Variants in GALNT13 observed in about 807,000 individuals in gnomAD.
GALNT13 encodes the protein UDP-GalNAc:polypeptide N-acetylgalactosaminyltransferase 13.
A neutral mutation model predicts 64.2 loss-of-function variants in GALNT13; 28 were observed. The observed-to-expected ratio is 0.44, with a 90% CI of 0.32 to 0.60. The LOEUF (loss-of-function observed/expected upper bound fraction) is 0.60, where lower values mean the gene tolerates loss of function less well. GALNT13 is among the 20% of genes least tolerant of loss of function. The probability of loss-of-function intolerance (pLI) is 0.05; values close to 1 mark genes in which losing one functional copy is unlikely to be tolerated. For synonymous variants in GALNT13, 214 were observed against 224.6 expected, an observed-to-expected ratio of 0.95 and a Z score of 0.42; for missense variants, 577 against 669.8, an observed-to-expected ratio of 0.86 and a Z score of 1.53.
chr2:154,063,936 A>T (rs1279629373), intron 3 of GALNT13, among the ~76,000 whole-genome samples: 1 of 152,184 alleles, frequency 6.6e-6, no homozygotes, highest in African/African-American at 2.4e-5. Context: ...GTAAGCCATG[A>T]TAGTACCTGA....
the GALNT13 span, among the ~76,000 whole-genome samples, chr2:153,748,232 T>C: frequency 6.6e-6 from 1 of 152,170 alleles, no homozygotes; most frequent in Non-Finnish European, 1.5e-5. Flanking sequence ...TTTAGTTCTT[T>C]AGAACTTGTG....
intron 9 of GALNT13, among the ~76,000 whole-genome samples, chr2:154,377,113 T>C (rs1027110547): frequency 6.6e-6 from 1 of 152,172 alleles, no homozygotes; most frequent in Non-Finnish European, 1.5e-5. Context: ...AGTGAAATGA[T>C]GTGCTGAGAA....
At chr2:153,929,881 GTCAAATGGTAGTTCGGT>G (rs1398592723) in intron 2 of GALNT13, among the ~76,000 whole-genome samples, 57 of 152,098 alleles carry the variant, frequency 3.7e-4, no homozygotes, top group African/African-American at 1.3e-3. Flanking sequence ...AAATGGCTAT[GTCAAATGGTAGTTCGGT>G]TTTAAGCTCC....
chr2:153,934,538 A>G (rs1359207221), intron 2 of GALNT13, among the ~76,000 whole-genome samples: 1 of 152,190 alleles, frequency 6.6e-6, no homozygotes, highest in Non-Finnish European at 1.5e-5. Context: ...CAGGAAGTAC[A>G]TGAACCATCA....
the GALNT13 span, among the ~76,000 whole-genome samples, chr2:153,520,391 A>G: frequency 1.3e-5 from 2 of 152,266 alleles, no homozygotes; most frequent in African/African-American, 4.8e-5. Context: ...TTTTCTGGTG[A>G]CCAAAGAACA....
chr2:154,304,926 A>G (rs1693647992), intron 9 of GALNT13, among the ~76,000 whole-genome samples: 1 of 152,188 alleles, frequency 6.6e-6, no homozygotes, highest in Admixed American at 6.5e-5. Context: ...CAGCTAAGCA[A>G]TGTAGAATCC....
chr2:154,356,559 C>G (rs535842434), intron 9 of GALNT13, among the ~76,000 whole-genome samples: 1 of 152,058 alleles, frequency 6.6e-6, no homozygotes, highest in Non-Finnish European at 1.5e-5. Context: ...ATCATTTACA[C>G]TAAATTATTC....
At chr2:153,297,869 A>G in the GALNT13 span, among the ~76,000 whole-genome samples, 1 of 152,198 alleles carries the variant, frequency 6.6e-6, no homozygotes, top group Non-Finnish European at 1.5e-5. Flanking sequence ...GCTGACTGAA[A>G]AGAGGTTTGA....
chr2:154,078,803 G>A (rs1388222087), intron 3 of GALNT13, among the ~76,000 whole-genome samples: 3 of 151,452 alleles, frequency 2.0e-5, no homozygotes, highest in African/African-American at 7.3e-5. Flanking sequence ...AAGTTGATAG[G>A]CAGCTTCTAG....
upstream of GALNT13, among the ~76,000 whole-genome samples, chr2:153,870,805 A>G (rs1685874221): frequency 6.6e-6 from 1 of 151,272 alleles, no homozygotes; most frequent in Non-Finnish European, 1.5e-5. Context: ...TGTAGTCGTT[A>G]TATCCTCCCC....
At chr2:153,458,338 A>G in the GALNT13 span, among the ~76,000 whole-genome samples, 1 of 152,150 alleles carries the variant, frequency 6.6e-6, no homozygotes, top group African/African-American at 2.4e-5. Flanking sequence ...GACTTCTCAT[A>G]CCACAAAACC....
chr2:153,491,768 C>T, the GALNT13 span, among the ~76,000 whole-genome samples: 1 of 151,882 alleles, frequency 6.6e-6, no homozygotes, highest in Non-Finnish European at 1.5e-5. Flanking sequence ...TTACAGGTGC[C>T]AGCCACCGTG....
At position 153,981,383 on chromosome 2, in the gene GALNT13, C is replaced by G. The variant is rs144501538; in HGVS notation, c.142+36744C>G. 2.6e-3 allele frequency among the ~76,000 whole-genome samples: 388 copies of G among 152,128 alleles called. 2 individuals are homozygous for G. The highest frequency in any genetic ancestry group is 8.8e-3 in the African/African-American group (366 of 41,498). On this transcript the variant is annotated intron_variant, in intron 3 of 12. Coordinates refer to ENST00000392825, the MANE Select transcript of GALNT13 (RefSeq NM_052917.4). ...CCTCCCCACTCTGCCCACCCCATAACAGGCCCTGGTGTGTGATGTTCCCCT... is the reference window on the plus strand; with the variant it reads ...CCTCCCCACTCTGCCCACCCCATAAGAGGCCCTGGTGTGTGATGTTCCCCT...
chr2:154,379,097 TGCTA>T (rs1181230511), intron 9 of GALNT13, among the ~76,000 whole-genome samples: 1 of 152,116 alleles, frequency 6.6e-6, no homozygotes, highest in African/African-American at 2.4e-5. Context: ...TAATAAATGA[TGCTA>T]GCCCTTTTAA....
the GALNT13 span, among the ~76,000 whole-genome samples, chr2:153,276,188 C>A: frequency 6.6e-6 from 1 of 151,922 alleles, no homozygotes; most frequent in East Asian, 1.9e-4. Flanking sequence ...AATATTATTT[C>A]TTTGTCTATT....
intron 4 of GALNT13, among the ~76,000 whole-genome samples, chr2:154,141,717 A>G (rs2105583725): frequency 6.6e-6 from 1 of 152,210 alleles, no homozygotes; most frequent in East Asian, 1.9e-4. Flanking sequence ...CAGCACAAAA[A>G]TAGCTCATTG....
the GALNT13 span, among the ~76,000 whole-genome samples, chr2:153,298,024 T>C: frequency 6.6e-6 from 1 of 152,268 alleles, no homozygotes; most frequent in East Asian, 1.9e-4. Context: ...GAGCATGTAA[T>C]TTAGGAGAAA....
At chr2:153,589,093 C>T in the GALNT13 span, among the ~76,000 whole-genome samples, 7 of 152,022 alleles carry the variant, frequency 4.6e-5, no homozygotes, top group Non-Finnish European at 8.8e-5. Context: ...TGAGATCATG[C>T]CATTGCACTC....
chr2:153,796,778 T>G, the GALNT13 span, among the ~76,000 whole-genome samples: 10 of 152,178 alleles, frequency 6.6e-5, no homozygotes, highest in Non-Finnish European at 1.3e-4. Flanking sequence ...TCACAGTACT[T>G]TCTTTGGTGC....
Sources: allele counts gnomAD v4.1 joint callset (sites outside exome capture counted in the v4.1 genomes callset), GRCh38; gene constraint gnomAD v4.1.1; transcripts MANE v1.5; gene names NCBI Gene and HGNC (gene_info 2026-07-23, HGNC 2026-07-21).